Variants in ASXL2 observed in about 807,000 individuals in gnomAD.
The protein encoded by ASXL2 is ASXL transcriptional regulator 2.
In ASXL2, 23 loss-of-function variants were observed where a neutral mutation model predicts 122.0. The observed-to-expected ratio is 0.19, with a 90% CI of 0.14 to 0.27. The LOEUF (loss-of-function observed/expected upper bound fraction) is 0.27, where lower values mean the gene tolerates loss of function less well. ASXL2 is among the 10% of genes least tolerant of loss of function. The pLI, the probability that ASXL2 is intolerant of heterozygous loss-of-function variation, is 1.00. For synonymous variants in ASXL2, 650 were observed against 637.0 expected (o/e 1.02, Z -0.31); for missense variants, 1,518 against 1,713.8 (o/e 0.89, Z 2.02).
At chr2:25,858,701 G>A (rs1574451887) in intron 1 of ASXL2, among the ~76,000 whole-genome samples, 1 of 147,238 alleles carries the variant, frequency 6.8e-6, no homozygotes, top group African/African-American at 2.5e-5. Flanking sequence ...CCAGCCTGGC[G>A]ACAGAGCGAG....
At chr2:25,871,677 C>G (rs1237423001) in intron 1 of ASXL2, among the ~76,000 whole-genome samples, 1 of 152,158 alleles carries the variant, frequency 6.6e-6, no homozygotes, top group Admixed American at 6.5e-5. Context: ...CCGCAACCTC[C>G]GCCTCCCGGG....
intron 5 of ASXL2, among the ~76,000 whole-genome samples, chr2:25,792,829 C>T (rs2088855763): frequency 6.6e-6 from 1 of 151,988 alleles, no homozygotes; most frequent in Non-Finnish European, 1.5e-5. Context: ...TGGTCTTGAA[C>T]TCCTTAACTC....
At chr2:25,788,636 G>T (rs929274445) in intron 5 of ASXL2, among the ~76,000 whole-genome samples, 5 of 152,124 alleles carry the variant, frequency 3.3e-5, no homozygotes, top group African/African-American at 1.2e-4. Context: ...TTGGACTTTG[G>T]TGGGTGTGTA....
intron 1 of ASXL2, chr2:25,856,815 T>A: frequency 9.0e-7 from 1 of 1,107,424 alleles, no homozygotes; most frequent in Non-Finnish European, 1.4e-6. Flanking sequence ...TGTCAGGTCA[T>A]CCCCCACAAT....
At chr2:25,792,216 G>C (rs571126296) in intron 5 of ASXL2, among the ~76,000 whole-genome samples, 2 of 152,118 alleles carry the variant, frequency 1.3e-5, no homozygotes, top group Non-Finnish European at 2.9e-5. Context: ...TGCCCAGGCT[G>C]GCCTCAAACT....
chr2:25,734,993 A>G lies in ASXL2; in HGVS notation c.*7036T>C, dbSNP rs537279962. 6.6e-6 allele frequency: 1 copy of G among 152,328 alleles called. No individual in the cohort carries two copies. The highest frequency in any genetic ancestry group is 2.4e-5 in the African/African-American group (1 of 41,584). The allele number at this position is 152,328 out of a possible 1,614,324, so 9.4% of individuals were successfully genotyped here. ...CCTAAGGCATCCTCTAGGTTTTACA[A>G]TTAAGAAGAAAATCAGGATTTTTAA... is the stretch of plus-strand genomic sequence containing the variant. On this transcript the variant is annotated 3_prime_UTR_variant, in exon 13 of 13. Coordinates refer to ENST00000435504, the MANE Select transcript of ASXL2 (RefSeq NM_018263.6).
At chr2:25,863,130 C>T (rs138143272) in intron 1 of ASXL2, among the ~76,000 whole-genome samples, 2,996 of 151,306 alleles carry the variant, frequency 0.02, 46 homozygotes, top group Non-Finnish European at 0.03. Flanking sequence ...GAGATCGAGA[C>T]CATCCTAGCT....
intron 3 of ASXL2, among the ~76,000 whole-genome samples, chr2:25,811,528 T>C (rs943142263): frequency 3.3e-5 from 5 of 151,076 alleles, no homozygotes; most frequent in African/African-American, 1.2e-4. Flanking sequence ...TAGAAAAAAA[T>C]GGAAAAAAGG....
chr2:25,821,627 T>C (rs2089312536), intron 3 of ASXL2, among the ~76,000 whole-genome samples: 1 of 152,172 alleles, frequency 6.6e-6, no homozygotes, highest in African/African-American at 2.4e-5. Flanking sequence ...CCTGTTCCCA[T>C]ATTTTCTATG....
chr2:25,792,636 T>G (rs531751971), intron 5 of ASXL2, among the ~76,000 whole-genome samples: 1 of 152,152 alleles, frequency 6.6e-6, no homozygotes, highest in South Asian at 2.1e-4. Flanking sequence ...AGTGTCTCAC[T>G]TTGTCGCCCA....
chr2:25,844,719 C>G (rs1363078850), intron 2 of ASXL2, among the ~76,000 whole-genome samples: 2 of 151,758 alleles, frequency 1.3e-5, no homozygotes, highest in African/African-American at 4.8e-5. Flanking sequence ...ACCTTCTTAG[C>G]ACTCTGCAGC....
At chr2:25,809,375 G>A (rs1053878182) in intron 3 of ASXL2, among the ~76,000 whole-genome samples, 20 of 151,144 alleles carry the variant, frequency 1.3e-4, no homozygotes, top group Non-Finnish European at 4.4e-5. Context: ...TTTTGTTTTT[G>A]TTGTTGTTTG....
rs943567239 is a variant in ASXL2, at chr2:25,781,973, T to C, written c.404-10433A>G. 7.3e-5 allele frequency among the ~76,000 whole-genome samples: 10 copies of C among 137,632 alleles called. 1 individual carries two copies. Among genetic ancestry groups the C allele is most frequent in the East Asian group, 2.0e-4 (1 of 5,020 alleles). The allele number at this position is 137,632 out of a possible 152,430, so 90.3% of individuals were successfully genotyped here. A position where few individuals can be genotyped will look rare whatever the true frequency, so the allele number is the denominator to read the frequency against. ...CACCGCCCGGGCTTTTTTCTTTTTT[T>C]TTTTTTTTTTTTGTAGAGACAGAGT... On this transcript the variant is annotated intron_variant, in intron 5 of 12. Coordinates refer to ENST00000435504, the MANE Select transcript of ASXL2 (RefSeq NM_018263.6).
intron 3 of ASXL2, among the ~76,000 whole-genome samples, chr2:25,812,709 T>C (rs1286200841): frequency 1.3e-5 from 2 of 152,110 alleles, no homozygotes; most frequent in Non-Finnish European, 1.5e-5. Flanking sequence ...TAAGGACAAA[T>C]GTGCAAGGAT....
At chr2:25,867,551 A>G (rs1334213871) in intron 1 of ASXL2, among the ~76,000 whole-genome samples, 1 of 152,214 alleles carries the variant, frequency 6.6e-6, no homozygotes, top group Admixed American at 6.5e-5. Context: ...AGAAAGTTTT[A>G]TCTCCTCCCA....
intron 5 of ASXL2, among the ~76,000 whole-genome samples, chr2:25,783,551 C>T (rs1025047408): frequency 6.6e-6 from 1 of 151,782 alleles, no homozygotes; most frequent in African/African-American, 2.4e-5. Flanking sequence ...TATTAGTTTA[C>T]TTTATTATTC....
intron 3 of ASXL2, among the ~76,000 whole-genome samples, chr2:25,826,761 G>GT (rs1327567335): frequency 4.3e-4 from 8 of 18,402 alleles, no homozygotes; most frequent in South Asian, 1.6e-3. Context: ...GACTTTCAAG[G>GT]TAAAAAAAAA....
At chr2:25,873,266 T>C (rs2089978110) in intron 1 of ASXL2, among the ~76,000 whole-genome samples, 1 of 152,122 alleles carries the variant, frequency 6.6e-6, no homozygotes, top group Admixed American at 6.6e-5. Flanking sequence ...ATAATTTGTA[T>C]TATAAAAATT....
At chr2:25,819,411 G>GTATCTTTACAAT (rs1559520195) in intron 3 of ASXL2, among the ~76,000 whole-genome samples, 5 of 151,994 alleles carry the variant, frequency 3.3e-5, no homozygotes, top group African/African-American at 1.2e-4. Context: ...ATTACAAAGG[G>GTATCTTTACAAT]GAAAAATGGT....
Sources: allele counts gnomAD v4.1 joint callset (sites outside exome capture counted in the v4.1 genomes callset), GRCh38; gene constraint gnomAD v4.1.1; transcripts MANE v1.5; gene names NCBI Gene and HGNC (gene_info 2026-07-23, HGNC 2026-07-21).